The following OXTR variants were observed in gnomAD, a reference collection of about 807,000 sequenced individuals.
The protein encoded by OXTR is oxytocin receptor.
In OXTR, 19 loss-of-function variants were observed where a neutral mutation model predicts 23.9. That is an observed-to-expected ratio of 0.80 (90% CI 0.56 to 1.17). The LOEUF is 1.17. Among genes scored for constraint, OXTR ranks in the 50% most tolerant of loss-of-function variants. The probability of loss-of-function intolerance (pLI) is 0.00; values close to 1 mark genes in which losing one functional copy is unlikely to be tolerated. For missense variants in OXTR, 500 were observed against 550.7 expected (o/e 0.91, Z 0.92); for synonymous variants, 278 against 250.5 (o/e 1.11, Z -1.04).
chr3:8,745,077 G>C, the OXTR span: 1 of 169,544 alleles, frequency 5.9e-6, no homozygotes, highest in Non-Finnish European at 1.3e-5. The surrounding 1 kb of genome is among the most constrained non-coding windows in gnomAD (Gnocchi z 4.8). Context: ...GGAGGTGATC[G>C]GATCACAGAG....
downstream of OXTR, among the ~76,000 whole-genome samples, chr3:8,747,282 C>T (rs1264804626): frequency 2.6e-5 from 4 of 152,088 alleles, no homozygotes; most frequent in African/African-American, 9.7e-5. Context: ...ATTTTATCAC[C>T]CACAAATTGA....
the OXTR span, among the ~76,000 whole-genome samples, chr3:8,743,722 G>C: frequency 1.3e-5 from 2 of 152,148 alleles, no homozygotes; most frequent in African/African-American, 4.8e-5. Flanking sequence ...TGGGGTGCAG[G>C]AGCTCAGAAG....
rs1337119469 is a variant in OXTR at position 8,767,444 on chromosome 3, C to A, written c.744G>T (p.Ala248=). 2.5e-6 allele frequency: 4 copies of A among 1,603,206 alleles called. No homozygotes were observed. The highest frequency in any genetic ancestry group is 3.4e-6 in the Non-Finnish European group (4 of 1,175,382). Residue 248 remains alanine (A), a synonymous_variant, in exon 3 of 4, where the codon GCG becomes GCT. Transcript: ENST00000316793. ...GGGCCACGCGCCCCCCATCGCCAGCCGCCGCGCCCTCTGGCGCCTCGGCCG... is the reference window on the plus strand; with the variant it reads ...GGGCCACGCGCCCCCCATCGCCAGCAGCCGCGCCCTCTGGCGCCTCGGCCG... The part of the protein sequence containing the change: ...AAAAEAPEGA[A]AGDGGRVALA...
chr3:8,754,374 C>T (rs1708331899), intron 3 of OXTR, among the ~76,000 whole-genome samples: 1 of 152,206 alleles, frequency 6.6e-6, no homozygotes, highest in South Asian at 2.1e-4. Flanking sequence ...GGCCAGGCAA[C>T]ATCTCCAGAA....
the OXTR span, among the ~76,000 whole-genome samples, chr3:8,742,296 A>G: frequency 8.5e-4 from 128 of 151,406 alleles, no homozygotes; most frequent in East Asian, 0.024. Flanking sequence ...TGCCCCACAC[A>G]CAGCACCCAA....
chr3:8,758,797 G>A lies in OXTR; in HGVS notation c.923-5573C>T, dbSNP rs145716510. 1.0e-3 allele frequency among the ~76,000 whole-genome samples: 154 copies of A among 152,276 alleles called. No individual in the cohort carries two copies. In the East Asian group the frequency reaches 0.026, roughly 26 times the overall value. ...GTGCTGGACTCACTGGGCTGGGCCTGAGAATAACCACATTCTGGAAGAAGA... is the reference window on the plus strand; with the variant it reads ...GTGCTGGACTCACTGGGCTGGGCCTAAGAATAACCACATTCTGGAAGAAGA... On this transcript the variant is annotated intron_variant, in intron 3 of 3. Coordinates refer to ENST00000316793, the MANE Select transcript of OXTR (RefSeq NM_000916.4).
chr3:8,760,857 G>C (rs1020140534), intron 3 of OXTR, among the ~76,000 whole-genome samples: 2 of 152,174 alleles, frequency 1.3e-5, no homozygotes, highest in African/African-American at 4.8e-5. Flanking sequence ...AGGCAGGCTG[G>C]CCAGAGACCA....
At chr3:8,764,351 C>T (rs1708559600) in intron 3 of OXTR, among the ~76,000 whole-genome samples, 1 of 152,230 alleles carries the variant, frequency 6.6e-6, no homozygotes, top group African/African-American at 2.4e-5. Context: ...CACTGTTAGC[C>T]ACAGGCTTCA....
chr3:8,764,838 C>A (rs992023851), intron 3 of OXTR, among the ~76,000 whole-genome samples: 1 of 152,178 alleles, frequency 6.6e-6, no homozygotes, highest in Non-Finnish European at 1.5e-5. Context: ...TGAATCCCTG[C>A]CGGTCTGTGT....
At chr3:8,743,548 C>G in the OXTR span, among the ~76,000 whole-genome samples, 2 of 152,136 alleles carry the variant, frequency 1.3e-5, no homozygotes, top group African/African-American at 4.8e-5. Flanking sequence ...AAGCTGGGGG[C>G]CAAGATTATA....
chr3:8,763,992 G>A (rs1222645105), intron 3 of OXTR, among the ~76,000 whole-genome samples: 1 of 151,804 alleles, frequency 6.6e-6, no homozygotes, highest in Non-Finnish European at 1.5e-5. Context: ...TAAATTTTTG[G>A]CCACCACTGC....
intron 3 of OXTR, among the ~76,000 whole-genome samples, chr3:8,762,356 G>A (rs934802377): frequency 6.6e-6 from 1 of 152,128 alleles, no homozygotes; most frequent in African/African-American, 2.4e-5. Flanking sequence ...TCAAACCTTT[G>A]GGGGGAAAAG....
intron 3 of OXTR, among the ~76,000 whole-genome samples, chr3:8,758,264 G>A (rs1322211158): frequency 1.3e-5 from 2 of 152,134 alleles, no homozygotes; most frequent in Non-Finnish European, 2.9e-5. Flanking sequence ...CTCCACCCCA[G>A]CACTGAAACC....
In OXTR at chr3:8,768,399, T is replaced by A; in HGVS notation, c.-142-70A>T. 1.3e-6 allele frequency: 1 copy of A among 768,514 alleles called. No individual in the cohort carries two copies. The highest frequency in any genetic ancestry group is 1.7e-6 in the Non-Finnish European group (1 of 574,906). 47.6% of individuals were successfully genotyped at this position (768,514 alleles called of 1,614,324 possible). A position where few individuals can be genotyped will look rare whatever the true frequency, so the allele number is the denominator to read the frequency against. On this transcript the variant is annotated intron_variant, in intron 2 of 3. Coordinates refer to ENST00000316793, the MANE Select transcript of OXTR (RefSeq NM_000916.4). This position sits in a 1 kb window ranked among gnomAD's most constrained non-coding sequence, Gnocchi z 5.4. ...TTCCGACGCGGGTAGGGCGTGCTTGTCCCATTCCCAGGAACCCAACTCATC... is the reference window on the plus strand; with the variant it reads ...TTCCGACGCGGGTAGGGCGTGCTTGACCCATTCCCAGGAACCCAACTCATC...
chr3:8,753,541 C>T lies in OXTR; in HGVS notation c.923-317G>A, dbSNP rs1708313585. ...CAGAAGCTGAATCCATCACAGCCAC[C>T]TTTTCATGCATCACTCACCCAATGA... On this transcript the variant is annotated intron_variant, in intron 3 of 3. Coordinates refer to ENST00000316793, the MANE Select transcript of OXTR (RefSeq NM_000916.4). Among the ~76,000 whole-genome samples, 3 of 152,222 alleles carry T rather than the reference C, an allele frequency of 2.0e-5. No homozygotes were observed. The South Asian group carries it at 6.2e-4, about 32-fold the overall frequency.
chr3:8,756,954 T>C (rs1336720775), intron 3 of OXTR, among the ~76,000 whole-genome samples: 1 of 152,184 alleles, frequency 6.6e-6, no homozygotes, highest in Non-Finnish European at 1.5e-5. Flanking sequence ...AGGTCTGCTA[T>C]GCAGCGAGCA....
rs201406519 is a variant in OXTR, at chr3:8,750,933, G to A, written c.*2044C>T. ...TTCCTGGGTCATATGGTCACTCTAC[G>A]TTTAACTTTTTGAGGTACTGCCAAA... On this transcript the variant is annotated 3_prime_UTR_variant, in exon 4 of 4. Transcript: ENST00000316793. 1.3e-5 allele frequency: 2 copies of A among 152,256 alleles called. No individual in the cohort carries two copies. The highest frequency in any genetic ancestry group is 1.9e-4 in the East Asian group (1 of 5,182). 9.4% of individuals were successfully genotyped at this position (152,256 alleles called of 1,614,324 possible). A position where few individuals can be genotyped will look rare whatever the true frequency, so the allele number is the denominator to read the frequency against.
Position 8,768,331 on chromosome 3 carries a change from T to G in OXTR, c.-142-2A>C. ...ACGGACGGATCTGCTGGGTCCACCC[T>G]GAAACAAACCGGGAGGGCCGTGAGG... is the stretch of plus-strand genomic sequence containing the variant. On this transcript the variant is annotated splice_acceptor_variant, in intron 2 of 3. Transcript: ENST00000316793. LOFTEE classifies it low-confidence loss of function (5UTR_SPLICE). This position sits in a 1 kb window ranked among gnomAD's most constrained non-coding sequence, Gnocchi z 5.4. 8.4e-7 allele frequency: 1 copy of G among 1,187,000 alleles called. No individual in the cohort carries two copies. 73.5% of individuals were successfully genotyped at this position (1,187,000 alleles called of 1,614,324 possible).
intron 3 of OXTR, among the ~76,000 whole-genome samples, chr3:8,761,444 C>A (rs147589196): frequency 6.6e-6 from 1 of 152,056 alleles, no homozygotes; most frequent in African/African-American, 2.4e-5. Flanking sequence ...ATCTAACAAG[C>A]GCCCAGGAGA....
Sources: gnomAD v4.1 joint callset for allele counts (sites outside exome capture counted in the v4.1 genomes callset) on GRCh38, gnomAD v4.1.1 for gene constraint, Gnocchi (gnomAD v3.1) non-coding constraint, MANE v1.5 for transcripts, NCBI Gene and HGNC (gene_info 2026-07-23, HGNC 2026-07-21) for gene names.